GPR89B: variants seen among roughly 807,000 people sequenced by gnomAD.
The protein encoded by GPR89B is G protein-coupled receptor 89B.
A neutral mutation model predicts 52.4 loss-of-function variants in GPR89B; 25 were observed. That is an observed-to-expected ratio of 0.48 (90% confidence interval 0.35 to 0.67). GPR89B has a LOEUF of 0.67. Ranked by LOEUF, GPR89B falls within the 30% of genes least tolerant of loss-of-function variation. GPR89B has a pLI of 0.01. For missense variants in GPR89B, 146 were observed against 450.2 expected, an observed-to-expected ratio of 0.32 and a Z score of 6.11; for synonymous variants, 52 against 151.2, an observed-to-expected ratio of 0.34 and a Z score of 4.81.
At chr1:147,937,714 T>C (rs184621556) in intron 2 of GPR89B, among the ~76,000 whole-genome samples, 57 of 152,326 alleles carry the variant, frequency 3.7e-4, no homozygotes, top group Admixed American at 2.9e-3. Flanking sequence ...CTTATGGTTA[T>C]CTTTCCGTGT....
rs1656725344 is a variant in GPR89B at position 147,962,988 on chromosome 1, C to T, written c.618-3566C>T. 3.4e-5 allele frequency among the ~76,000 whole-genome samples: 5 copies of T among 145,086 alleles called. No homozygotes were observed. In the South Asian group the frequency reaches 1.1e-3, roughly 32 times the overall value. ...AAAGAATCTTTGGAATCAAGGGCTA[C>T]ACAAAAAGTTCTTTACTTGATACCA... On this transcript the variant is annotated intron_variant, in intron 7 of 13. Coordinates refer to ENST00000314163, the MANE Select transcript of GPR89B (RefSeq NM_016334.5).
At chr1:148,002,038 CTTTTT>C in the GPR89B span, among the ~76,000 whole-genome samples, 3 of 130,048 alleles carry the variant, frequency 2.3e-5, no homozygotes, top group Admixed American at 2.3e-4. Context: ...CCAGATGCTG[CTTTTT>C]TTTTTTTTTT....
At position 147,962,596 on chromosome 1, in the gene GPR89B, C is replaced by A. The variant is rs1361709668; in HGVS notation, c.618-3958C>A. The stretch of plus-strand genomic sequence containing the variant: ...ATGAATCTAAATCTAAGTCTTACAC[C>A]TTATATAAAATTAAAACACGCCAGG... On this transcript the variant is annotated intron_variant, in intron 7 of 13. Transcript: ENST00000314163. Among the ~76,000 whole-genome samples, 13 of 151,858 alleles carry A rather than the reference C, an allele frequency of 8.6e-5. No homozygotes were observed. The South Asian group carries it at 2.7e-3, about 31-fold the overall frequency.
At chr1:148,002,780 A>T in the GPR89B span, among the ~76,000 whole-genome samples, 3 of 152,102 alleles carry the variant, frequency 2.0e-5, 1 homozygote, top group South Asian at 6.2e-4. Context: ...ACTACACATC[A>T]TGTGCCAATT....
At chr1:147,961,635 C>T (rs1656574831) in intron 7 of GPR89B, among the ~76,000 whole-genome samples, 1 of 152,218 alleles carries the variant, frequency 6.6e-6, no homozygotes, top group African/African-American at 2.4e-5. Context: ...AACAAGACCC[C>T]ATCTTGAAAA....
At chr1:147,954,821 G>C (rs1655999406) in intron 7 of GPR89B, among the ~76,000 whole-genome samples, 1 of 151,948 alleles carries the variant, frequency 6.6e-6, no homozygotes, top group Non-Finnish European at 1.5e-5. Context: ...AATTATGGTT[G>C]TATATATTTG....
chr1:147,933,805 TTTC>T (rs1653849592), intron 1 of GPR89B, among the ~76,000 whole-genome samples: 1 of 152,166 alleles, frequency 6.6e-6, no homozygotes, highest in South Asian at 2.1e-4. Context: ...TTCTATAATG[TTTC>T]TCTTTCTACA....
intron 10 of GPR89B, among the ~76,000 whole-genome samples, chr1:147,978,274 G>T (rs1282161992): frequency 3.3e-5 from 5 of 152,078 alleles, no homozygotes; most frequent in African/African-American, 1.2e-4. Context: ...TTTGTTGGGG[G>T]TCGAATCCAT....
chr1:147,965,841 T>C (rs1393419066), intron 7 of GPR89B, among the ~76,000 whole-genome samples: 2 of 151,742 alleles, frequency 1.3e-5, no homozygotes, highest in African/African-American at 4.9e-5. Context: ...TTTTTTTTTG[T>C]TTGTTTGTTT....
chr1:148,022,926 T>C, the GPR89B span, among the ~76,000 whole-genome samples: 1 of 151,988 alleles, frequency 6.6e-6, no homozygotes, highest in Non-Finnish European at 1.5e-5. Context: ...TATTTTACTT[T>C]CTGTGCAGTA....
intron 5 of GPR89B, among the ~76,000 whole-genome samples, chr1:147,951,228 T>C (rs1553250994): frequency 6.6e-6 from 1 of 151,540 alleles, no homozygotes; most frequent in Non-Finnish European, 1.5e-5. Flanking sequence ...TAAAATTAGG[T>C]TTTCAATAAT....
At chr1:147,992,634 A>G in intron 13 of GPR89B, 67 bp downstream of exon 13, 2 of 1,607,408 alleles carry the variant, frequency 1.2e-6, no homozygotes, top group South Asian at 1.1e-5. Flanking sequence ...GATACTTTTA[A>G]GAATTTTAAT....
rs200735157 is a variant in GPR89B, at chr1:147,940,298, G to A, written c.206+1481G>A. On this transcript the variant is annotated intron_variant, in intron 3 of 13. Transcript: ENST00000314163. ...GGCGCCTGTAGTCCCAGCTACTTGG[G>A]GGGCTGAGGCAGGAGAATGGCCTGA... Among the ~76,000 whole-genome samples, 1,190 of 151,724 alleles carry A rather than the reference G, an allele frequency of 7.8e-3. 23 individuals are homozygous for A. The highest frequency in any genetic ancestry group is 0.046 in the East Asian group (238 of 5,136).
chr1:147,949,889 T>A (rs1571252642), intron 5 of GPR89B, among the ~76,000 whole-genome samples: 1 of 102,508 alleles, frequency 9.8e-6, no homozygotes, highest in Non-Finnish European at 1.9e-5. Context: ...GAGGCGCCCC[T>A]CACCTCCCGG....
chr1:147,982,139 A>G (rs1658301670), intron 10 of GPR89B, among the ~76,000 whole-genome samples: 1 of 151,520 alleles, frequency 6.6e-6, no homozygotes, highest in African/African-American at 2.4e-5. Flanking sequence ...AGCTCACTGC[A>G]ACTTCCGCCT....
At chr1:147,933,698 C>A (rs1653838863) in intron 1 of GPR89B, among the ~76,000 whole-genome samples, 2 of 151,130 alleles carry the variant, frequency 1.3e-5, no homozygotes, top group African/African-American at 4.9e-5. Flanking sequence ...GTTGATTTTA[C>A]CTTCTAAATA....
chr1:148,007,202 A>G, the GPR89B span, among the ~76,000 whole-genome samples: 7 of 137,258 alleles, frequency 5.1e-5, no homozygotes, highest in African/African-American at 2.0e-4. Context: ...CAGCCTCCTG[A>G]GTAGCTGGAA....
At chr1:148,014,053 C>T in the GPR89B span, among the ~76,000 whole-genome samples, 1 of 151,258 alleles carries the variant, frequency 6.6e-6, no homozygotes, top group Non-Finnish European at 1.5e-5. Flanking sequence ...AGGAAAGCGA[C>T]GTCTCCCATG....
intron 7 of GPR89B, among the ~76,000 whole-genome samples, chr1:147,960,396 G>A (rs1656445018): frequency 1.3e-5 from 2 of 151,896 alleles, no homozygotes; most frequent in East Asian, 3.9e-4. Flanking sequence ...TCAAAAAAGT[G>A]AAGGAAAGCA....
Sources: gnomAD v4.1 joint callset for allele counts (sites outside exome capture counted in the v4.1 genomes callset) on GRCh38, gnomAD v4.1.1 for gene constraint, MANE v1.5 for transcripts, NCBI Gene and HGNC (gene_info 2026-07-23, HGNC 2026-07-21) for gene names.